Variants in BANP observed in about 807,000 individuals in gnomAD.
BANP encodes the protein BTG3 associated nuclear protein.
BANP carries 11 observed loss-of-function variants against 68.1 expected under a neutral mutation model. That is an observed-to-expected ratio of 0.16 (90% CI 0.10 to 0.27). The LOEUF is 0.27. BANP is among the 10% of genes least tolerant of loss of function. The probability of loss-of-function intolerance (pLI) is 1.00; values close to 1 mark genes in which losing one functional copy is unlikely to be tolerated. For synonymous variants in BANP, 329 were observed against 303.2 expected (o/e 1.09, Z -0.88); for missense variants, 504 against 722.7 (o/e 0.70, Z 3.47).
At position 88,072,200 on chromosome 16, in the gene BANP, G is replaced by T. The variant is rs201660824; in HGVS notation, c.1509G>T (p.Thr503=). The T allele has an allele frequency of 2.5e-6, 4 of 1,610,196 alleles. No individual in the cohort carries two copies. The East Asian group carries it at 8.9e-5, about 36-fold the overall frequency. Reference sequence around the variant, plus strand: ...AGCTGGCGCCAGTGAGTGACCACACGGCCGGGGCACAGGTGAGTCTGGGGC... The same window carrying T: ...AGCTGGCGCCAGTGAGTGACCACACTGCCGGGGCACAGGTGAGTCTGGGGC... ...YVQLAPVSDH[T]AGAQTAEALQ... Residue 503 remains threonine, a synonymous_variant, in exon 13 of 14, where the codon ACG becomes ACT. Coordinates refer to ENST00000682872, the MANE Select transcript of BANP (RefSeq NM_001386991.1).
intron 11 of BANP, among the ~76,000 whole-genome samples, chr16:88,052,914 C>G (rs901108351): frequency 2.0e-5 from 3 of 151,690 alleles, no homozygotes; most frequent in Non-Finnish European, 4.4e-5. Flanking sequence ...TCATCATCAC[C>G]AACACAACCA....
intron 8 of BANP, 35 bp from the exon 9 acceptor site, chr16:88,033,074 C>T (rs1213002093): frequency 3.9e-6 from 6 of 1,555,140 alleles, no homozygotes; most frequent in Non-Finnish European, 5.3e-6. Flanking sequence ...TAAGAAACTT[C>T]TCGTTCACCC....
chr16:88,072,058 T>C lies in BANP; in HGVS notation c.1378-11T>C, dbSNP rs1423148373. On this transcript the variant is annotated splice_polypyrimidine_tract_variant and intron_variant, in intron 12 of 13. Coordinates refer to ENST00000682872, the MANE Select transcript of BANP (RefSeq NM_001386991.1). The stretch of plus-strand genomic sequence containing the variant: ...CACGCCGCTGACGGGCCCCCGTGTG[T>C]CTCCCTCCAGGTGCTGCAGGGTGCA... 7 of 1,563,876 alleles carry C rather than the reference T, an allele frequency of 4.5e-6. No individual in the cohort carries two copies. The highest frequency in any genetic ancestry group is 5.2e-6 in the Non-Finnish European group (6 of 1,156,480).
rs535087662 is a variant in BANP at position 88,047,985 on chromosome 16, C to G, written c.1311+9974C>G. 1.8e-4 allele frequency among the ~76,000 whole-genome samples: 28 copies of G among 152,364 alleles called. No individual in the cohort carries two copies. In the South Asian group the frequency reaches 5.6e-3, roughly 30 times the overall value. ...CAAACACTGGGACTTAGGGGGCTGT[C>G]CCCTGGGGAGGGCAGGAAAGCTGAT... On this transcript the variant is annotated intron_variant, in intron 11 of 13. Transcript: ENST00000682872.
At position 88,018,145 on chromosome 16, in the gene BANP, A is replaced by T. The variant is rs1377997030; in HGVS notation, c.656-283A>T. Among the ~76,000 whole-genome samples the T allele has an allele frequency of 5.3e-5, 8 of 150,524 alleles. No individual in the cohort carries two copies. Among genetic ancestry groups the T allele is most frequent in the Non-Finnish European group, 8.8e-5 (6 of 67,856 alleles). ...GGGGTCCCGGGTCCAGGGTGAGCAGAGTGTGTGACCGTGTTGGCGCTCAGG... is the reference window on the plus strand; with the variant it reads ...GGGGTCCCGGGTCCAGGGTGAGCAGTGTGTGTGACCGTGTTGGCGCTCAGG... On this transcript the variant is annotated intron_variant, in intron 6 of 13. Transcript: ENST00000682872. This position sits in a 1 kb window ranked among gnomAD's most constrained non-coding sequence, Gnocchi z 7.7.
intron 6 of BANP, among the ~76,000 whole-genome samples, chr16:88,012,782 GGA>G (rs146218656): frequency 6.6e-6 from 1 of 152,264 alleles, no homozygotes; most frequent in East Asian, 1.9e-4. Context: ...AATGAAAGTA[GGA>G]GAGAGAGGGA....
At chr16:88,054,146 C>T (rs1184302867) in intron 11 of BANP, among the ~76,000 whole-genome samples, 6 of 118,058 alleles carry the variant, frequency 5.1e-5, no homozygotes, top group African/African-American at 1.8e-4. Flanking sequence ...AACACTACCA[C>T]CACCACCTCC....
At chr16:88,050,529 G>C (rs1266649859) in intron 11 of BANP, among the ~76,000 whole-genome samples, 2 of 152,156 alleles carry the variant, frequency 1.3e-5, no homozygotes, top group African/African-American at 2.4e-5. Context: ...TGAGCATCTT[G>C]AACTGCCAGC....
chr16:87,967,254 CTTTTTT>C (rs573550962), intron 1 of BANP, among the ~76,000 whole-genome samples: 1 of 106,992 alleles, frequency 9.3e-6, no homozygotes, highest in Admixed American at 9.9e-5. Context: ...GGAAAAGGTT[CTTTTTT>C]TTTTTTTTTT....
At chr16:88,006,310 G>A in intron 6 of BANP, 45 bp downstream of exon 6, 1 of 1,528,968 alleles carries the variant, frequency 6.5e-7, no homozygotes, top group Non-Finnish European at 8.8e-7. Flanking sequence ...CAGTACAATT[G>A]TTTGTTTGTT....
At chr16:88,061,469 C>A (rs146875698) in intron 11 of BANP, among the ~76,000 whole-genome samples, 1 of 152,216 alleles carries the variant, frequency 6.6e-6, no homozygotes. Flanking sequence ...TGACCATCCA[C>A]TAATGGGTGA....
At chr16:88,034,189 G>T (rs2078808802) in intron 9 of BANP, among the ~76,000 whole-genome samples, 1 of 152,182 alleles carries the variant, frequency 6.6e-6, no homozygotes, top group Non-Finnish European at 1.5e-5. Flanking sequence ...CTCTTCCAAA[G>T]GAGATGAGAC....
At chr16:88,046,309 C>T (rs1471957090) in intron 11 of BANP, among the ~76,000 whole-genome samples, 6 of 152,168 alleles carry the variant, frequency 3.9e-5, no homozygotes, top group East Asian at 1.9e-4. Flanking sequence ...TAGGAAGTAT[C>T]GTCTTGTGAA....
intron 2 of BANP, among the ~76,000 whole-genome samples, 188 bp downstream of exon 2, chr16:87,975,373 C>T (rs746758948): frequency 4.5e-4 from 69 of 152,218 alleles, no homozygotes; most frequent in Non-Finnish European, 6.5e-4. Context: ...GCCTCAGCCC[C>T]ACGTCCCTTC....
intron 11 of BANP, among the ~76,000 whole-genome samples, chr16:88,047,052 C>A (rs913916431): frequency 6.7e-6 from 1 of 149,034 alleles, no homozygotes; most frequent in South Asian, 2.2e-4. Context: ...GGCGACATAG[C>A]GAGACTCCGT....
intron 11 of BANP, among the ~76,000 whole-genome samples, chr16:88,043,076 C>G (rs571006987): frequency 2.0e-5 from 3 of 152,344 alleles, no homozygotes; most frequent in Admixed American, 2.0e-4. Context: ...AAGTGAGAGT[C>G]TCAGTCTCGG....
intron 2 of BANP, 168 bp from the exon 3 acceptor site, chr16:87,980,868 C>T: frequency 1.7e-6 from 1 of 590,638 alleles, no homozygotes; most frequent in South Asian, 2.0e-5. Context: ...AGGAGTTATC[C>T]TGTTTTTCTG....
chr16:88,049,094 G>T (rs2082670838), intron 11 of BANP, among the ~76,000 whole-genome samples: 1 of 152,100 alleles, frequency 6.6e-6, no homozygotes, highest in South Asian at 2.1e-4. Context: ...CACCAGCTGG[G>T]TGTCCTCTAA....
rs577025174 is a variant in BANP, at chr16:88,019,573, GGGCGTCCGGGATCTC to G, written c.895+912_895+926del. ...CCGGGATCTCAGCGTGCGGGGGGCG[GGGCGTCCGGGATCTC>G]GGCGTGCGGGATCTCAGCGTGCGGG... On this transcript the variant is annotated intron_variant, in intron 7 of 13. Coordinates refer to ENST00000682872, the MANE Select transcript of BANP (RefSeq NM_001386991.1). Among the ~76,000 whole-genome samples, 387 of 48,570 alleles carry G rather than the reference GGGCGTCCGGGATCTC, an allele frequency of 8.0e-3. 62 individuals are homozygous for G. Among genetic ancestry groups the G allele is most frequent in the African/African-American group, 0.014 (265 of 18,372 alleles). 31.9% of individuals were successfully genotyped at this position (48,570 alleles called of 152,430 possible).
Sources: gnomAD v4.1 joint callset for allele counts (sites outside exome capture counted in the v4.1 genomes callset) on GRCh38, gnomAD v4.1.1 for gene constraint, Gnocchi (gnomAD v3.1) non-coding constraint, MANE v1.5 for transcripts, NCBI Gene and HGNC (gene_info 2026-07-23, HGNC 2026-07-21) for gene names.